LRFN2: variants seen among roughly 807,000 people sequenced by gnomAD.
LRFN2 encodes the protein leucine-rich repeat and fibronectin type-III domain-containing protein 2.
A neutral mutation model predicts 37.3 loss-of-function variants in LRFN2; 18 were observed. That is an observed-to-expected ratio of 0.48 (90% confidence interval 0.33 to 0.72). LRFN2 has a LOEUF of 0.72. LRFN2 is among the 30% of genes least tolerant of loss of function. LRFN2 has a pLI of 0.02. For missense variants in LRFN2, 1,006 were observed against 1,060.7 expected, an observed-to-expected ratio of 0.95 and a Z score of 0.72; for synonymous variants, 556 against 466.6, an observed-to-expected ratio of 1.19 and a Z score of -2.47.
At chr6:40,408,644 G>C (rs1241517617) in intron 2 of LRFN2, among the ~76,000 whole-genome samples, 1 of 152,204 alleles carries the variant, frequency 6.6e-6, no homozygotes, top group Non-Finnish European at 1.5e-5. Flanking sequence ...ACCCTAGGCA[G>C]ATTACTTACC....
chr6:40,573,003 A>G (rs906653838), intron 1 of LRFN2, among the ~76,000 whole-genome samples: 5 of 152,236 alleles, frequency 3.3e-5, no homozygotes, highest in Admixed American at 3.3e-4. Context: ...GATGACTGAG[A>G]CCTCATAAAC....
intron 1 of LRFN2, among the ~76,000 whole-genome samples, chr6:40,435,514 G>GA (rs1401432053): frequency 6.7e-6 from 1 of 150,166 alleles, no homozygotes; most frequent in Non-Finnish European, 1.5e-5. Context: ...CACAGATGCA[G>GA]AAAAAACTAG....
At chr6:40,395,973 C>T (rs1035272913) in intron 2 of LRFN2, among the ~76,000 whole-genome samples, 10 of 152,070 alleles carry the variant, frequency 6.6e-5, no homozygotes, top group Non-Finnish European at 1.2e-4. Flanking sequence ...CACAGCCACC[C>T]CAGGTCACCA....
chr6:40,510,105 T>C (rs1173499638), intron 1 of LRFN2, among the ~76,000 whole-genome samples: 1 of 143,918 alleles, frequency 6.9e-6, no homozygotes, highest in Non-Finnish European at 1.5e-5. Context: ...GTTGTTCAGA[T>C]AAGGGATGAG....
At chr6:40,574,906 A>G (rs1767249569) in intron 1 of LRFN2, among the ~76,000 whole-genome samples, 1 of 152,222 alleles carries the variant, frequency 6.6e-6, no homozygotes, top group Non-Finnish European at 1.5e-5. Context: ...AGGGGCATGC[A>G]GACAGCACAG....
intron 1 of LRFN2, among the ~76,000 whole-genome samples, chr6:40,561,037 T>C (rs1313435454): frequency 6.6e-6 from 1 of 152,180 alleles, no homozygotes; most frequent in Non-Finnish European, 1.5e-5. Flanking sequence ...AGTGCAGAAG[T>C]ATCCTTCACC....
chr6:40,531,187 G>T (rs1231193059), intron 1 of LRFN2, among the ~76,000 whole-genome samples: 2 of 152,160 alleles, frequency 1.3e-5, no homozygotes, highest in Non-Finnish European at 2.9e-5. Flanking sequence ...CATCTGATTT[G>T]TAATTTACAT....
chr6:40,478,090 T>A (rs1764747701), intron 1 of LRFN2, among the ~76,000 whole-genome samples: 1 of 152,128 alleles, frequency 6.6e-6, no homozygotes, highest in African/African-American at 2.4e-5. Context: ...CCAGGGGATG[T>A]AATGTCCTGT....
intron 2 of LRFN2, chr6:40,408,061 G>C (rs1311301151): frequency 6.5e-6 from 1 of 153,114 alleles, no homozygotes; most frequent in African/African-American, 2.4e-5. Context: ...GTGGTTGCTG[G>C]GTGCTGGGGG....
At chr6:40,489,730 C>T (rs1219888790) in intron 1 of LRFN2, among the ~76,000 whole-genome samples, 1 of 152,118 alleles carries the variant, frequency 6.6e-6, no homozygotes, top group East Asian at 1.9e-4. Flanking sequence ...TCTGTCTTCT[C>T]CCACTTACTT....
rs1376138396 is a variant in LRFN2 at position 40,432,500 on chromosome 6, G to T, written c.614C>A (p.Thr205Asn). ...GGGCAGCTTCTGCAGCCGATTGGAG[G>T]TGAGATCCAGGCGGGCCAGTTTCTG... ...DLQKLARLDL[T>N]SNRLQKLPPD... The change falls in exon 2 of 3, where the codon ACC (threonine) becomes AAC (asparagine). Residue 205 changes from threonine to asparagine, a missense_variant. By Grantham distance (65) the Thr-to-Asn change is moderately conservative. Around this residue, in one of 4 missense-constraint regions of LRFN2, gnomAD observed 303 missense variants for 299.8 expected, o/e 1.01. Coordinates refer to ENST00000338305, the MANE Select transcript of LRFN2 (RefSeq NM_020737.3). 2 of 1,614,244 alleles carry T rather than the reference G, an allele frequency of 1.2e-6. No individual in the cohort carries two copies. The highest frequency in any genetic ancestry group is 2.2e-5 in the South Asian group (2 of 91,088).
intron 1 of LRFN2, among the ~76,000 whole-genome samples, chr6:40,437,028 G>A (rs1581704936): frequency 6.6e-6 from 1 of 152,100 alleles, no homozygotes; most frequent in Non-Finnish European, 1.5e-5. Context: ...ATGGGGTAGT[G>A]TTCTATGGCC....
At chr6:40,402,683 A>G (rs1348671352) in intron 2 of LRFN2, among the ~76,000 whole-genome samples, 2 of 152,196 alleles carry the variant, frequency 1.3e-5, no homozygotes, top group Non-Finnish European at 2.9e-5. Flanking sequence ...TGCTCAGCCA[A>G]GATTGAACCC....
chr6:40,419,891 T>A (rs551453941), intron 2 of LRFN2, among the ~76,000 whole-genome samples: 1 of 152,180 alleles, frequency 6.6e-6, no homozygotes, highest in East Asian at 1.9e-4. Context: ...AAGCAATTCA[T>A]TTACGTTTTA....
At chr6:40,393,803 C>A (rs1241080596) in intron 2 of LRFN2, among the ~76,000 whole-genome samples, 1 of 152,182 alleles carries the variant, frequency 6.6e-6, no homozygotes, top group Non-Finnish European at 1.5e-5. Flanking sequence ...GTGTCAGAGA[C>A]AAGGTCCTGC....
At chr6:40,495,356 C>A (rs1322844715) in intron 1 of LRFN2, among the ~76,000 whole-genome samples, 1 of 152,142 alleles carries the variant, frequency 6.6e-6, no homozygotes. Context: ...AAATAAATAT[C>A]CTTTGACACC....
intron 1 of LRFN2, among the ~76,000 whole-genome samples, chr6:40,515,359 T>C (rs2113892088): frequency 6.6e-6 from 1 of 152,320 alleles, no homozygotes; most frequent in Non-Finnish European, 1.5e-5. Context: ...GGAGACAAAA[T>C]GAGCAGAATA....
At chr6:40,565,438 G>A (rs1180515151) in intron 1 of LRFN2, among the ~76,000 whole-genome samples, 1 of 152,054 alleles carries the variant, frequency 6.6e-6, no homozygotes, top group African/African-American at 2.4e-5. Flanking sequence ...TCAATCCTAA[G>A]CCAAAAGAAC....
intron 1 of LRFN2, among the ~76,000 whole-genome samples, chr6:40,547,564 C>T (rs925679468): frequency 1.3e-5 from 2 of 152,092 alleles, no homozygotes; most frequent in East Asian, 1.9e-4. Flanking sequence ...CCTTCTTCAC[C>T]CTGGTCATTG....
Sources: allele counts gnomAD v4.1 joint callset (sites outside exome capture counted in the v4.1 genomes callset), GRCh38; gene constraint gnomAD v4.1.1; regional missense constraint gnomAD v4.1.1; transcripts MANE v1.5; gene names NCBI Gene and HGNC (gene_info 2026-07-23, HGNC 2026-07-21).